Variants in KCNMA1 observed in about 807,000 individuals in gnomAD.
The protein encoded by KCNMA1 is potassium calcium-activated channel subfamily M alpha 1, also known as Calcium-activated potassium channel subunit alpha-1.
A neutral mutation model predicts 140.0 loss-of-function variants in KCNMA1; 29 were observed. That is an observed-to-expected ratio of 0.21 (90% CI 0.15 to 0.28). KCNMA1 has a LOEUF of 0.28. Ranked by LOEUF, KCNMA1 falls within the 10% of genes least tolerant of loss-of-function variation. The pLI is 1.00. For synonymous variants in KCNMA1, 612 were observed against 611.9 expected (o/e 1.00, Z 0.00); for missense variants, 880 against 1,602.2 (o/e 0.55, Z 7.70).
intron 5 of KCNMA1, among the ~76,000 whole-genome samples, chr10:77,173,515 T>C (rs946062986): frequency 1.3e-4 from 20 of 152,302 alleles, no homozygotes; most frequent in Middle Eastern, 3.4e-3. Context: ...TACATATATA[T>C]ACACATATAT....
At chr10:77,445,968 G>C (rs1437660785) in intron 1 of KCNMA1, among the ~76,000 whole-genome samples, 1 of 152,236 alleles carries the variant, frequency 6.6e-6, no homozygotes, top group East Asian at 1.9e-4. Context: ...GGGCTGGAGA[G>C]AGAGATAAAC....
chr10:77,112,199 G>A (rs2097342417), intron 7 of KCNMA1, among the ~76,000 whole-genome samples, 168 bp downstream of exon 7: 2 of 152,202 alleles, frequency 1.3e-5, no homozygotes, highest in South Asian at 2.1e-4. Context: ...GAACTAGTTT[G>A]GGGTAAAAAG....
chr10:77,325,238 G>T (rs994096991), intron 2 of KCNMA1, among the ~76,000 whole-genome samples: 9 of 152,182 alleles, frequency 5.9e-5, no homozygotes, highest in Admixed American at 1.3e-4. Context: ...CTTGGCACCA[G>T]CTGTGCCTCT....
chr10:77,225,874 A>G (rs2051205410), intron 3 of KCNMA1, among the ~76,000 whole-genome samples: 1 of 152,052 alleles, frequency 6.6e-6, no homozygotes, highest in Non-Finnish European at 1.5e-5. Context: ...CAGTCGTCTC[A>G]CCTGGACCCT....
At chr10:77,329,211 C>A (rs1489993866) in intron 2 of KCNMA1, among the ~76,000 whole-genome samples, 1 of 152,302 alleles carries the variant, frequency 6.6e-6, no homozygotes, top group South Asian at 2.1e-4. Flanking sequence ...CATCAAAAAA[C>A]CCTTCATAAT....
intron 19 of KCNMA1, among the ~76,000 whole-genome samples, chr10:76,975,021 C>A (rs1174862179): frequency 6.6e-6 from 1 of 152,158 alleles, no homozygotes; most frequent in Non-Finnish European, 1.5e-5. Flanking sequence ...GCTTGGTCAG[C>A]CCCCTTAGTT....
At chr10:77,046,046 G>C (rs2095035449) in intron 14 of KCNMA1, among the ~76,000 whole-genome samples, 1 of 152,156 alleles carries the variant, frequency 6.6e-6, no homozygotes, top group African/African-American at 2.4e-5. Flanking sequence ...TATGTTAATA[G>C]CTGCAATAAG....
intron 1 of KCNMA1, chr10:77,636,351 A>G: frequency 6.5e-7 from 1 of 1,530,376 alleles, no homozygotes; most frequent in Non-Finnish European, 8.8e-7. Context: ...AGGTGTCGCC[A>G]GCCTCAGTGC....
intron 2 of KCNMA1, among the ~76,000 whole-genome samples, chr10:77,374,161 T>C (rs1036610651): frequency 6.6e-6 from 1 of 152,200 alleles, no homozygotes; most frequent in African/African-American, 2.4e-5. Flanking sequence ...GGTGCCCTGA[T>C]CTGGCCAAGC....
At chr10:77,006,236 G>A (rs982763696) in intron 18 of KCNMA1, among the ~76,000 whole-genome samples, 1 of 152,142 alleles carries the variant, frequency 6.6e-6, no homozygotes, top group African/African-American at 2.4e-5. Flanking sequence ...CCAACTGCTG[G>A]GGAAAATGTT....
At chr10:77,489,160 C>G (rs760994023) in intron 1 of KCNMA1, among the ~76,000 whole-genome samples, 19 of 152,092 alleles carry the variant, frequency 1.2e-4, no homozygotes, top group Non-Finnish European at 2.5e-4. Flanking sequence ...GATAGGGTGC[C>G]AGTTACATTT....
At chr10:77,123,175 G>A (rs1387959175) in intron 5 of KCNMA1, among the ~76,000 whole-genome samples, 9 of 61,382 alleles carry the variant, frequency 1.5e-4, no homozygotes, top group Non-Finnish European at 1.9e-4. Context: ...GCGAGACTCC[G>A]TCTCAAAAAA....
intron 1 of KCNMA1, among the ~76,000 whole-genome samples, chr10:77,594,263 C>T (rs556620011): frequency 1.1e-3 from 168 of 152,238 alleles, no homozygotes; most frequent in African/African-American, 3.9e-3. Flanking sequence ...CATTCGGTTG[C>T]AATTTGCAAA....
chr10:77,176,219 G>A (rs1008685394), intron 5 of KCNMA1, among the ~76,000 whole-genome samples: 4 of 152,170 alleles, frequency 2.6e-5, no homozygotes, highest in African/African-American at 7.2e-5. Context: ...CTTCCCTTAG[G>A]AAAATGGTGG....
rs199883733 is a variant in KCNMA1 at position 77,066,128 on chromosome 10, T to C, written c.1749+6969A>G. ...TATGCAGAAGAGTGACAGGATCTGA[T>C]TCATGCTTGAGAAGGTTGTTCTGGA... is the stretch of plus-strand genomic sequence containing the variant. On this transcript the variant is annotated intron_variant, in intron 14 of 27. Coordinates refer to ENST00000286628, the MANE Select transcript of KCNMA1 (RefSeq NM_001161352.2). 4.6e-5 allele frequency among the ~76,000 whole-genome samples: 7 copies of C among 152,272 alleles called. No individual in the cohort carries two copies. The East Asian group carries it at 1.2e-3, about 25-fold the overall frequency.
At chr10:76,942,386 G>A (rs922856646) in intron 23 of KCNMA1, among the ~76,000 whole-genome samples, 9 of 152,198 alleles carry the variant, frequency 5.9e-5, no homozygotes, top group African/African-American at 2.2e-4. Context: ...TATGTATTTG[G>A]CAGGGAGTAG....
At chr10:76,997,603 C>T (rs2084808689) in intron 19 of KCNMA1, among the ~76,000 whole-genome samples, 1 of 152,092 alleles carries the variant, frequency 6.6e-6, no homozygotes, top group Admixed American at 6.6e-5. Flanking sequence ...AGATAGCAGG[C>T]AAGACTGAAA....
At chr10:77,040,168 C>G (rs941599823) in intron 14 of KCNMA1, among the ~76,000 whole-genome samples, 2 of 151,950 alleles carry the variant, frequency 1.3e-5, no homozygotes, top group African/African-American at 4.8e-5. Flanking sequence ...GTGTGAGCCA[C>G]CGTGCACAGT....
intron 2 of KCNMA1, 144 bp downstream of exon 2, chr10:77,403,718 C>A: frequency 1.4e-6 from 1 of 721,892 alleles, no homozygotes; most frequent in Admixed American, 2.8e-5. Context: ...CCTCCATGAC[C>A]ACGCGGGAGC....
Sources: gnomAD v4.1 joint callset for allele counts (sites outside exome capture counted in the v4.1 genomes callset) on GRCh38, gnomAD v4.1.1 for gene constraint, MANE v1.5 for transcripts, NCBI Gene and HGNC (gene_info 2026-07-23, HGNC 2026-07-21) for gene names.